Variants in ARMC9 observed in about 807,000 individuals in gnomAD.
ARMC9 encodes the protein lisH domain-containing protein ARMC9.
Under a neutral mutation model 107.0 loss-of-function variants are expected in ARMC9, and 94 were observed. That is an observed-to-expected ratio of 0.88 (90% CI 0.74 to 1.04). The LOEUF is 1.04. ARMC9 is among the 50% of genes least tolerant of loss of function. The pLI, the probability that ARMC9 is intolerant of heterozygous loss-of-function variation, is 0.00. For missense variants in ARMC9, 942 were observed against 1,030.1 expected (o/e 0.91, Z 1.17); for synonymous variants, 380 against 396.9 (o/e 0.96, Z 0.51).
intron 14 of ARMC9, among the ~76,000 whole-genome samples, chr2:231,276,152 T>C (rs1038829119): frequency 1.3e-5 from 2 of 152,210 alleles, no homozygotes; most frequent in Admixed American, 6.5e-5. Flanking sequence ...CCTTAATAAA[T>C]ATCCCTGAAA....
chr2:231,364,381 G>C (rs1196958965), intron 23 of ARMC9, among the ~76,000 whole-genome samples: 1 of 152,238 alleles, frequency 6.6e-6, no homozygotes, highest in African/African-American at 2.4e-5. Flanking sequence ...GATGAGAAGT[G>C]ATTCTTTTGC....
chr2:231,359,069 AG>A (rs556756037), intron 22 of ARMC9, among the ~76,000 whole-genome samples: 114 of 134,736 alleles, frequency 8.5e-4, no homozygotes, highest in African/African-American at 3.3e-3. Flanking sequence ...TGTCTTAGTT[AG>A]GGGGGTCTCC....
intron 21 of ARMC9, among the ~76,000 whole-genome samples, chr2:231,350,776 G>T (rs958159211): frequency 5.9e-5 from 9 of 151,610 alleles, no homozygotes; most frequent in African/African-American, 2.2e-4. Flanking sequence ...TGTCAATGAT[G>T]ATCTCAATGG....
At chr2:231,321,811 T>A (rs1028614708) in intron 19 of ARMC9, among the ~76,000 whole-genome samples, 60 of 152,152 alleles carry the variant, frequency 3.9e-4, no homozygotes, top group African/African-American at 1.3e-3. Context: ...TCCCTCTCCC[T>A]CTAACCTCAT....
intron 9 of ARMC9, chr2:231,240,272 C>T (rs1387286674): frequency 5.6e-6 from 3 of 537,770 alleles, no homozygotes; most frequent in Non-Finnish European, 9.9e-6. Flanking sequence ...CTACCAGTTG[C>T]AGCCACTCAG....
intron 22 of ARMC9, 130 bp downstream of exon 22, chr2:231,356,064 G>A: frequency 8.1e-7 from 1 of 1,231,832 alleles, no homozygotes; most frequent in Middle Eastern, 2.2e-4. Flanking sequence ...ACAGCCCCGT[G>A]TCACAGAGGC....
chr2:231,270,106 T>C (rs1423353540), intron 12 of ARMC9, among the ~76,000 whole-genome samples: 2 of 152,170 alleles, frequency 1.3e-5, no homozygotes, highest in East Asian at 3.9e-4. Context: ...CATTTCACTG[T>C]GAGAATAGTC....
chr2:231,214,760 T>G, intron 3 of ARMC9, 71 bp from the exon 4 acceptor site: 1 of 1,474,612 alleles, frequency 6.8e-7, no homozygotes, highest in Non-Finnish European at 9.4e-7. Context: ...ATCTGTGGTG[T>G]TGAGTGGGTT....
At chr2:231,212,194 TG>T (rs978670917) in intron 3 of ARMC9, among the ~76,000 whole-genome samples, 38 of 152,346 alleles carry the variant, frequency 2.5e-4, no homozygotes, top group African/African-American at 9.1e-4. Flanking sequence ...TTACTATTGA[TG>T]GTGTACACAT....
chr2:231,219,790 TA>T (rs148417297), intron 5 of ARMC9, among the ~76,000 whole-genome samples: 5,821 of 152,188 alleles, frequency 0.038, 350 homozygotes, highest in African/African-American at 0.13. Context: ...TTTTTTTCAT[TA>T]AAAAAATTGT....
At chr2:231,316,664 C>CAA (rs780066527) in intron 19 of ARMC9, among the ~76,000 whole-genome samples, 39,316 of 130,330 alleles carry the variant, frequency 0.3, 5,797 homozygotes, top group Non-Finnish European at 0.36. Flanking sequence ...GACTCCATCT[C>CAA]AAAAAAAAAA....
intron 19 of ARMC9, among the ~76,000 whole-genome samples, chr2:231,328,438 T>A (rs573273514): frequency 1.3e-5 from 2 of 152,342 alleles, no homozygotes; most frequent in Non-Finnish European, 2.9e-5. Context: ...TTTTTCCTTT[T>A]ATGGGTGTTC....
chr2:231,245,769 A>G (rs1239379582), intron 9 of ARMC9, among the ~76,000 whole-genome samples: 1 of 152,190 alleles, frequency 6.6e-6, no homozygotes, highest in Non-Finnish European at 1.5e-5. Flanking sequence ...ATGGTGTAGT[A>G]TGCATTTTCC....
At position 231,222,434 on chromosome 2, in the gene ARMC9, G is replaced by A. The variant is rs567736982; in HGVS notation, c.505-294G>A. Among the ~76,000 whole-genome samples the A allele has an allele frequency of 2.6e-5, 4 of 152,160 alleles. No homozygotes were observed. In the East Asian group the frequency reaches 5.8e-4, roughly 22 times the overall value. The stretch of plus-strand genomic sequence containing the variant: ...TATTTTTGGTATGCAGCCTAATAAG[G>A]TTCCTTGTCACGACTGTGTTTAAAT... On this transcript the variant is annotated intron_variant, in intron 5 of 24. Coordinates refer to ENST00000611582, the MANE Select transcript of ARMC9 (RefSeq NM_001352754.2).
chr2:231,305,782 C>A (rs180965216), intron 19 of ARMC9, among the ~76,000 whole-genome samples: 7 of 152,208 alleles, frequency 4.6e-5, no homozygotes, highest in African/African-American at 1.4e-4. Flanking sequence ...GAGAGGATTC[C>A]TGTCTACCCA....
Position 231,214,362 on chromosome 2 carries a change from C to T in ARMC9, c.178-469C>T, listed in dbSNP as rs76003719. Among the ~76,000 whole-genome samples, 485 of 152,310 alleles carry T rather than the reference C, an allele frequency of 3.2e-3. 2 individuals carry two copies. Among genetic ancestry groups the T allele is most frequent in the African/African-American group, 0.011 (468 of 41,558 alleles). ...CTCCTAGGCCCAGGATTGACTGGGT[C>T]AGTGTGTGTGGGCTCCCAGCCACTC... is the stretch of plus-strand genomic sequence containing the variant. On this transcript the variant is annotated intron_variant, in intron 3 of 24. Coordinates refer to ENST00000611582, the MANE Select transcript of ARMC9 (RefSeq NM_001352754.2).
chr2:231,366,211 A>G (rs1248216886), intron 23 of ARMC9, among the ~76,000 whole-genome samples: 7 of 152,098 alleles, frequency 4.6e-5, no homozygotes, highest in African/African-American at 1.7e-4. Context: ...TGCTCAGGGA[A>G]TATCAGTCTT....
At chr2:231,368,785 C>T (rs950864988) in intron 23 of ARMC9, among the ~76,000 whole-genome samples, 9 of 151,848 alleles carry the variant, frequency 5.9e-5, no homozygotes, top group Non-Finnish European at 1.0e-4. Flanking sequence ...CACCATGCCC[C>T]GCTAATTTTT....
intron 9 of ARMC9, among the ~76,000 whole-genome samples, chr2:231,249,689 C>T (rs1490605018): frequency 1.3e-5 from 2 of 152,174 alleles, no homozygotes; most frequent in Admixed American, 6.5e-5. Flanking sequence ...GGGGCAAGTG[C>T]TCAGTGAATA....
Sources: gnomAD v4.1 joint callset for allele counts (sites outside exome capture counted in the v4.1 genomes callset) on GRCh38, gnomAD v4.1.1 for gene constraint, MANE v1.5 for transcripts, NCBI Gene and HGNC (gene_info 2026-07-23, HGNC 2026-07-21) for gene names.